Variants in MAPK10 observed in about 807,000 individuals in gnomAD.
MAPK10 encodes the protein JNK3 alpha protein kinase.
MAPK10 carries 25 observed loss-of-function variants against 59.3 expected under a neutral mutation model. The observed-to-expected ratio is 0.42, with a 90% CI of 0.31 to 0.59. The LOEUF (loss-of-function observed/expected upper bound fraction) is 0.59. MAPK10 is among the 20% of genes least tolerant of loss of function. MAPK10 has a pLI of 0.15. For missense variants in MAPK10, 351 were observed against 568.9 expected (o/e 0.62, Z 3.90); for synonymous variants, 190 against 200.5 (o/e 0.95, Z 0.44).
chr4:86,495,662 A>G (rs1286244245), intron 1 of MAPK10, among the ~76,000 whole-genome samples: 1 of 152,194 alleles, frequency 6.6e-6, no homozygotes, highest in Non-Finnish European at 1.5e-5. Context: ...ATGGTAAATT[A>G]TTATTGTATT....
chr4:86,220,396 T>C (rs975463612), intron 2 of MAPK10, among the ~76,000 whole-genome samples: 4 of 152,154 alleles, frequency 2.6e-5, no homozygotes, highest in Non-Finnish European at 5.9e-5. Context: ...CTCTGCATAT[T>C]GTGAATTGAG....
Position 86,075,085 on chromosome 4 carries a change from G to C in MAPK10, c.803-7130C>G, listed in dbSNP as rs559744561. ...TAGTCCCATATTTCTTGGAGGCTTTGCTCATTTCTTTTTATTCTTTTTTCT... is the reference window on the plus strand; with the variant it reads ...TAGTCCCATATTTCTTGGAGGCTTTCCTCATTTCTTTTTATTCTTTTTTCT... On this transcript the variant is annotated intron_variant, in intron 9 of 13. Transcript: ENST00000641462. Among the ~76,000 whole-genome samples, 200 of 150,406 alleles carry C rather than the reference G, an allele frequency of 1.3e-3. 1 individual carries two copies. Among genetic ancestry groups the C allele is most frequent in the African/African-American group, 4.7e-3 (192 of 40,786 alleles).
intron 1 of MAPK10, among the ~76,000 whole-genome samples, chr4:86,487,384 TAG>T (rs1554272301): frequency 6.7e-6 from 1 of 148,352 alleles, no homozygotes; most frequent in African/African-American, 2.5e-5. Flanking sequence ...TGTGTGTGTG[TAG>T]AGAGAGAAAG....
chr4:86,042,108 C>T (rs1231123149), intron 11 of MAPK10, among the ~76,000 whole-genome samples: 1 of 152,210 alleles, frequency 6.6e-6, no homozygotes, highest in Non-Finnish European at 1.5e-5. Flanking sequence ...AAATGTGGCA[C>T]ATATACACCT....
chr4:86,493,003 T>C (rs896440225), intron 1 of MAPK10, among the ~76,000 whole-genome samples: 5 of 152,184 alleles, frequency 3.3e-5, no homozygotes, highest in Non-Finnish European at 5.9e-5. Context: ...CCTAACTTAG[T>C]AGTATGCACC....
rs1350080336 is a variant in MAPK10 at position 86,217,088 on chromosome 4, T to C, written c.-6-22681A>G. On this transcript the variant is annotated intron_variant, in intron 2 of 13. Coordinates refer to ENST00000641462, the MANE Select transcript of MAPK10 (RefSeq NM_138982.4). ...TTTATACATCTCATCCATGAGGCAA[T>C]AAGGAGTCAGATCTAAATGCCCAAA... 6.6e-5 allele frequency among the ~76,000 whole-genome samples: 10 copies of C among 152,240 alleles called. No individual in the cohort carries two copies. In the East Asian group the frequency reaches 1.2e-3, roughly 18 times the overall value.
rs1297767315 is a variant in MAPK10, at chr4:86,015,853, A to T, written c.*1375T>A. 1 of 152,194 alleles carries T rather than the reference A, an allele frequency of 6.6e-6. No individual in the cohort carries two copies. The highest frequency in any genetic ancestry group is 1.5e-5 in the Non-Finnish European group (1 of 68,034). The allele number at this position is 152,194 out of a possible 1,614,324, so 9.4% of individuals were successfully genotyped here. ...ACATGAAACATCAGCCACATTAAGG[A>T]GTCAGGGAAACTCCTGAGGAATAAC... On this transcript the variant is annotated 3_prime_UTR_variant, in exon 14 of 14. Transcript: ENST00000641462.
chr4:86,136,582 G>A (rs1445584066), intron 4 of MAPK10, among the ~76,000 whole-genome samples: 2 of 121,152 alleles, frequency 1.7e-5, no homozygotes, highest in African/African-American at 6.7e-5. Flanking sequence ...GCAAAATCAT[G>A]CCAAAATGTA....
intron 2 of MAPK10, among the ~76,000 whole-genome samples, chr4:86,254,944 C>T (rs1458796348): frequency 6.6e-6 from 1 of 152,066 alleles, no homozygotes; most frequent in Non-Finnish European, 1.5e-5. Context: ...AGAAGATAAG[C>T]TAACATCCAA....
chr4:86,075,102 C>T (rs1428240242), intron 9 of MAPK10, among the ~76,000 whole-genome samples: 1 of 150,792 alleles, frequency 6.6e-6, no homozygotes, highest in African/African-American at 2.4e-5. Flanking sequence ...TCTTTTTATT[C>T]TTTTTTCTCT....
At chr4:86,304,249 C>A (rs190073223) in intron 2 of MAPK10, among the ~76,000 whole-genome samples, 2 of 151,986 alleles carry the variant, frequency 1.3e-5, no homozygotes, top group African/African-American at 4.8e-5. Context: ...TATAGACTGT[C>A]CAAAAACAGT....
chr4:86,279,457 T>G (rs1030372713), intron 2 of MAPK10, among the ~76,000 whole-genome samples: 4 of 152,276 alleles, frequency 2.6e-5, no homozygotes, highest in East Asian at 1.9e-4. Context: ...CCCAGTTTCT[T>G]TATGGTACAA....
At chr4:86,062,312 T>C (rs1346981582) in intron 11 of MAPK10, among the ~76,000 whole-genome samples, 1 of 152,170 alleles carries the variant, frequency 6.6e-6, no homozygotes, top group Non-Finnish European at 1.5e-5. Context: ...GCCTTGTTAC[T>C]ATCCGTGCCC....
chr4:86,423,587 T>C (rs1231371484), intron 1 of MAPK10, among the ~76,000 whole-genome samples: 1 of 151,904 alleles, frequency 6.6e-6, no homozygotes, highest in African/African-American at 2.4e-5. Context: ...TAATGTGGCC[T>C]AGGAAATCTG....
At chr4:86,296,412 C>A (rs764157179) in intron 2 of MAPK10, among the ~76,000 whole-genome samples, 1 of 152,012 alleles carries the variant, frequency 6.6e-6, no homozygotes, top group Non-Finnish European at 1.5e-5. Context: ...GGTGGTCCTG[C>A]ACCAGGCTTA....
chr4:86,183,985 T>C (rs1319715861), intron 3 of MAPK10, among the ~76,000 whole-genome samples: 1 of 152,068 alleles, frequency 6.6e-6, no homozygotes, highest in Non-Finnish European at 1.5e-5. Flanking sequence ...TTTGATGGGG[T>C]TGTTTGTATT....
chr4:86,207,146 C>T (rs553583007), intron 2 of MAPK10, among the ~76,000 whole-genome samples: 87 of 150,998 alleles, frequency 5.8e-4, no homozygotes, highest in Non-Finnish European at 1.0e-3. Context: ...AATGGTAATG[C>T]CTAGGTTTTC....
intron 4 of MAPK10, chr4:86,152,151 G>T (rs1315157192): frequency 6.6e-6 from 1 of 152,156 alleles, no homozygotes; most frequent in African/African-American, 2.4e-5. Context: ...TGTCCTTGGT[G>T]AACCCAAAGG....
chr4:86,371,324 T>C (rs564896481), intron 1 of MAPK10, among the ~76,000 whole-genome samples: 84 of 152,334 alleles, frequency 5.5e-4, no homozygotes, highest in African/African-American at 2.0e-3. Flanking sequence ...CATTTCTTGA[T>C]GATTATCTCT....
Sources: gnomAD v4.1 joint callset for allele counts (sites outside exome capture counted in the v4.1 genomes callset) on GRCh38, gnomAD v4.1.1 for gene constraint, MANE v1.5 for transcripts, NCBI Gene and HGNC (gene_info 2026-07-23, HGNC 2026-07-21) for gene names.